EDARADD: variants seen among roughly 807,000 people sequenced by gnomAD.
EDARADD encodes ectodysplasin-A receptor-associated adapter protein.
Under a neutral mutation model 25.6 loss-of-function variants are expected in EDARADD, and 20 were observed. That is an observed-to-expected ratio of 0.78 (90% CI 0.55 to 1.14). The LOEUF (loss-of-function observed/expected upper bound fraction) is 1.14, where lower values mean the gene tolerates loss of function less well. EDARADD is among the 50% of genes most tolerant of loss of function. The pLI is 0.00. For synonymous variants in EDARADD, 86 were observed against 94.4 expected (o/e 0.91, Z 0.52); for missense variants, 225 against 270.1 (o/e 0.83, Z 1.17).
At chr1:236,477,744 T>G (rs1436630629) in intron 5 of EDARADD, among the ~76,000 whole-genome samples, 1 of 152,056 alleles carries the variant, frequency 6.6e-6, no homozygotes, top group African/African-American at 2.4e-5. Flanking sequence ...AAGGCCTGAT[T>G]TTTTAACCTA....
intron 1 of EDARADD, 125 bp from the exon 2 acceptor site, chr1:236,409,091 G>GAAT: frequency 2.4e-5 from 10 of 414,372 alleles, no homozygotes; most frequent in East Asian, 3.9e-5. Context: ...AAAAAAAGGA[G>GAAT]TAAGGTTTTC....
intron 4 of EDARADD, 70 bp downstream of exon 4, chr1:236,427,520 TAG>T: frequency 7.1e-7 from 1 of 1,403,798 alleles, no homozygotes; most frequent in Non-Finnish European, 9.9e-7. Flanking sequence ...TTGAGATTTA[TAG>T]AGTTTTACAA....
At chr1:236,420,135 G>A (rs1657744299) in intron 3 of EDARADD, among the ~76,000 whole-genome samples, 1 of 152,194 alleles carries the variant, frequency 6.6e-6, no homozygotes, top group Admixed American at 6.5e-5. Flanking sequence ...GCAGAGAGCT[G>A]AGATCATGCC....
At chr1:236,439,223 T>G (rs1358222002) in intron 4 of EDARADD, among the ~76,000 whole-genome samples, 1 of 152,260 alleles carries the variant, frequency 6.6e-6, no homozygotes, top group Non-Finnish European at 1.5e-5. Context: ...ACTGTCTGTA[T>G]GTACCACAGT....
In EDARADD at chr1:236,395,793, C is replaced by A; in HGVS notation, c.61+1288C>A. On this transcript the variant is annotated intron_variant, in intron 1 of 5. Coordinates refer to ENST00000334232, the MANE Select transcript of EDARADD (RefSeq NM_145861.4). This position sits in a 1 kb window ranked among gnomAD's most constrained non-coding sequence, Gnocchi z 6.9. ...CCCCGAGGGAGGCCCGGGAACCACC[C>A]CCGACCCAGGCGCCAGACCCGGAGT... 1 of 844,034 alleles carries A rather than the reference C, an allele frequency of 1.2e-6. No individual in the cohort carries two copies. Among genetic ancestry groups the A allele is most frequent in the Non-Finnish European group, 1.7e-6 (1 of 591,574 alleles). The allele number at this position is 844,034 out of a possible 1,614,324, so 52.3% of individuals were successfully genotyped here.
intron 1 of EDARADD, among the ~76,000 whole-genome samples, chr1:236,403,490 C>T (rs1253963): frequency 1 from 151,841 of 151,852 alleles, 75,915 homozygotes; most frequent in Middle Eastern, 1. Context: ...GGTTTCACCA[C>T]GTTAGCCAGG....
intron 1 of EDARADD, among the ~76,000 whole-genome samples, chr1:236,396,824 A>G (rs1423508346): frequency 6.6e-6 from 1 of 151,922 alleles, no homozygotes; most frequent in African/African-American, 2.4e-5. Context: ...AAACAAAGGG[A>G]GAAACCCTCC....
At chr1:236,386,890 C>T (rs1360131139) in intron 3 of EDARADD, among the ~76,000 whole-genome samples, 532 of 54,268 alleles carry the variant, frequency 9.8e-3, no homozygotes, top group Non-Finnish European at 0.015. Flanking sequence ...AGCCCCCCCG[C>T]CCGGCCAGCC....
chr1:236,437,440 G>A (rs1049393792), intron 4 of EDARADD, among the ~76,000 whole-genome samples: 1 of 152,078 alleles, frequency 6.6e-6, no homozygotes, highest in Non-Finnish European at 1.5e-5. Context: ...GGGGTAAAAA[G>A]GCAGAGTTCT....
At chr1:236,348,603 T>C (rs12411168) in intron 1 of EDARADD, 23,959 of 152,298 alleles carry the variant, frequency 0.16, 2,389 homozygotes, top group East Asian at 0.43. Context: ...GCTCTCCTCC[T>C]TCATGAGTCT....
At chr1:236,420,028 A>G (rs1290909279) in intron 3 of EDARADD, among the ~76,000 whole-genome samples, 1 of 152,114 alleles carries the variant, frequency 6.6e-6, no homozygotes, top group African/African-American at 2.4e-5. Context: ...AAATACAAAA[A>G]TAGAATTAGT....
Position 236,483,126 on chromosome 1 carries a change from C to A in EDARADD, c.*477C>A. On this transcript the variant is annotated 3_prime_UTR_variant, in exon 6 of 6. Transcript: ENST00000334232. ...TGAGTGTCTGCAGCACCCTCCACTT[C>A]TCTCCTAGGCAATGAGACCCAGTGG... 2 of 1,354,698 alleles carry A rather than the reference C, an allele frequency of 1.5e-6. No homozygotes were observed. Among genetic ancestry groups the A allele is most frequent in the Non-Finnish European group, 2.1e-6 (2 of 953,172 alleles). The allele number at this position is 1,354,698 out of a possible 1,614,324, so 83.9% of individuals were successfully genotyped here.
rs1479806950 is a variant in EDARADD, at chr1:236,467,424, GCGCACACACA to G, written c.220-805_220-796del. On this transcript the variant is annotated intron_variant, in intron 4 of 5. Transcript: ENST00000334232. ...CTGACTTCATGGGAAGCACACACACGCGCACACACACACACACACACACACACACACATAC... is the reference window on the plus strand; with the variant it reads ...CTGACTTCATGGGAAGCACACACACGCACACACACACACACACACACATAC... Among the ~76,000 whole-genome samples, 262 of 120,896 alleles carry G rather than the reference GCGCACACACA, an allele frequency of 2.2e-3. 3 individuals are homozygous for G. The highest frequency in any genetic ancestry group is 0.016 in the East Asian group (65 of 3,990). The allele number at this position is 120,896 out of a possible 152,430, so 79.3% of individuals were successfully genotyped here.
chr1:236,372,873 G>A (rs1011949907), intron 3 of EDARADD, among the ~76,000 whole-genome samples: 10 of 144,892 alleles, frequency 6.9e-5, no homozygotes, highest in Admixed American at 2.7e-4. Flanking sequence ...CCTTTATTAT[G>A]TTTTTAATGC....
At chr1:236,432,730 C>T (rs1334005984) in intron 4 of EDARADD, among the ~76,000 whole-genome samples, 2 of 151,918 alleles carry the variant, frequency 1.3e-5, no homozygotes, top group Non-Finnish European at 2.9e-5. Context: ...ACTAAAAATA[C>T]AAAAATTAGC....
intron 1 of EDARADD, among the ~76,000 whole-genome samples, chr1:236,399,932 C>T (rs1012517621): frequency 3.9e-5 from 6 of 152,206 alleles, no homozygotes; most frequent in Non-Finnish European, 8.8e-5. Context: ...CTCACTGCCC[C>T]TCCTGTGGGC....
intron 2 of EDARADD, among the ~76,000 whole-genome samples, chr1:236,413,957 T>C (rs1179671275): frequency 6.6e-6 from 1 of 152,296 alleles, no homozygotes; most frequent in East Asian, 1.9e-4. Flanking sequence ...TGCTCCTCAA[T>C]TGTAAACTGC....
At chr1:236,454,303 C>A (rs1253624) in intron 4 of EDARADD, among the ~76,000 whole-genome samples, 94,737 of 152,092 alleles carry the variant, frequency 0.62, 32,650 homozygotes, top group Non-Finnish European at 0.79. Context: ...CCGCCTTGGC[C>A]TCCCAAAGTA....
At chr1:236,397,508 T>C (rs1254228301) in intron 1 of EDARADD, among the ~76,000 whole-genome samples, 2 of 152,082 alleles carry the variant, frequency 1.3e-5, no homozygotes, top group Non-Finnish European at 2.9e-5. Flanking sequence ...CTGGAACAAA[T>C]GGGCAACATG....
Sources: gnomAD v4.1 joint callset for allele counts (sites outside exome capture counted in the v4.1 genomes callset) on GRCh38, gnomAD v4.1.1 for gene constraint, Gnocchi (gnomAD v3.1) non-coding constraint, MANE v1.5 for transcripts, NCBI Gene and HGNC (gene_info 2026-07-23, HGNC 2026-07-21) for gene names.